GPC5: variants seen among roughly 807,000 people sequenced by gnomAD.
GPC5 encodes the protein glypican 5.
GPC5 carries 47 observed loss-of-function variants against 53.9 expected under a neutral mutation model. The ratio of observed to expected loss-of-function variants is 0.87; its 90% CI spans 0.69 to 1.11. The LOEUF (loss-of-function observed/expected upper bound fraction) is 1.11. GPC5 is among the 50% of genes most tolerant of loss of function. The probability of loss-of-function intolerance (pLI) is 0.00; values close to 1 mark genes in which losing one functional copy is unlikely to be tolerated. For synonymous variants in GPC5, 286 were observed against 263.3 expected (o/e 1.09, Z -0.84); for missense variants, 748 against 713.1 (o/e 1.05, Z -0.56).
chr13:91,499,302 A>G (rs1309100808), intron 2 of GPC5, among the ~76,000 whole-genome samples: 1 of 152,106 alleles, frequency 6.6e-6, no homozygotes, highest in African/African-American at 2.4e-5. Flanking sequence ...CATAGGTAGT[A>G]TGTGTTTAGA....
chr13:91,702,652 T>C (rs894666910), intron 3 of GPC5, among the ~76,000 whole-genome samples: 1 of 152,056 alleles, frequency 6.6e-6, no homozygotes, highest in Non-Finnish European at 1.5e-5. Flanking sequence ...AATTTTAGGA[T>C]TTTTTTCTCT....
At chr13:91,865,277 G>A (rs2039071738) in intron 5 of GPC5, among the ~76,000 whole-genome samples, 1 of 152,036 alleles carries the variant, frequency 6.6e-6, no homozygotes, top group East Asian at 1.9e-4. Flanking sequence ...AAACATGGGA[G>A]ATCCCCAAAC....
At position 92,034,179 on chromosome 13, in the gene GPC5, A is replaced by T. The variant is rs573388883; in HGVS notation, c.1402-110651A>T. Among the ~76,000 whole-genome samples the T allele has an allele frequency of 9.8e-5, 15 of 152,308 alleles. No individual in the cohort carries two copies. The East Asian group carries it at 2.7e-3, about 27-fold the overall frequency. On this transcript the variant is annotated intron_variant, in intron 6 of 7. Transcript: ENST00000377067. The stretch of plus-strand genomic sequence containing the variant: ...ATAATTTAATATGGCAAACTAAATT[A>T]TTTATGGATGTATAATAAAATCAAA...
chr13:92,296,851 G>A (rs902274274), intron 7 of GPC5, among the ~76,000 whole-genome samples: 4 of 152,222 alleles, frequency 2.6e-5, no homozygotes, highest in East Asian at 1.9e-4. Flanking sequence ...CAGCAGTGCC[G>A]GCCCACTGGC....
rs550928352 is a variant in GPC5, at chr13:91,448,984, G to A, written c.325+62G>A. On this transcript the variant is annotated intron_variant, in intron 2 of 7. Coordinates refer to ENST00000377067, the MANE Select transcript of GPC5 (RefSeq NM_004466.6). The stretch of plus-strand genomic sequence containing the variant: ...CGTGTTATGTAATTTGCCTAAGATA[G>A]TTACGTTGGCAAACTTGGCTGGGTT... 14 of 1,520,100 alleles carry A rather than the reference G, an allele frequency of 9.2e-6. No homozygotes were observed. In the South Asian group the frequency reaches 1.6e-4, roughly 18 times the overall value. The allele number at this position is 1,520,100 out of a possible 1,614,324, so 94.2% of individuals were successfully genotyped here. A position where few individuals can be genotyped will look rare whatever the true frequency, so the allele number is the denominator to read the frequency against.
intron 2 of GPC5, among the ~76,000 whole-genome samples, chr13:91,468,346 C>T (rs1322718538): frequency 6.6e-6 from 1 of 152,128 alleles, no homozygotes; most frequent in African/African-American, 2.4e-5. Context: ...ATGCTGGACT[C>T]TTCACCTCCA....
chr13:92,007,356 C>A (rs372872589), intron 6 of GPC5, among the ~76,000 whole-genome samples: 1 of 152,124 alleles, frequency 6.6e-6, no homozygotes, highest in South Asian at 2.1e-4. Context: ...TAGTCTACCA[C>A]ATTTTTCATT....
chr13:92,278,510 A>G (rs1002489739), intron 7 of GPC5, among the ~76,000 whole-genome samples: 1 of 152,048 alleles, frequency 6.6e-6, no homozygotes, highest in African/African-American at 2.4e-5. Flanking sequence ...GACAACTTCT[A>G]TAATTTGGGA....
chr13:92,719,447 G>C (rs1888439276), intron 7 of GPC5, among the ~76,000 whole-genome samples: 5 of 152,054 alleles, frequency 3.3e-5, no homozygotes, highest in Admixed American at 3.3e-4. Flanking sequence ...ATAATTGCTT[G>C]TAACATTCTA....
intron 7 of GPC5, among the ~76,000 whole-genome samples, chr13:92,166,919 C>T (rs927460797): frequency 1.2e-5 from 1 of 83,444 alleles, no homozygotes; most frequent in Admixed American, 1.5e-4. Flanking sequence ...GCATAAGTCT[C>T]AGTCTCTCTC....
intron 7 of GPC5, among the ~76,000 whole-genome samples, chr13:92,285,696 A>G (rs576167838): frequency 3.3e-5 from 5 of 152,328 alleles, no homozygotes; most frequent in African/African-American, 1.2e-4. Flanking sequence ...ATATGTGGAA[A>G]GCTGAAACTG....
At chr13:91,689,894 A>T (rs1474547252) in intron 2 of GPC5, among the ~76,000 whole-genome samples, 1 of 152,308 alleles carries the variant, frequency 6.6e-6, no homozygotes, top group South Asian at 2.1e-4. Flanking sequence ...ACAATAAAAA[A>T]CATAGTATGG....
At chr13:92,796,282 T>G (rs538910852) in intron 7 of GPC5, among the ~76,000 whole-genome samples, 7 of 152,038 alleles carry the variant, frequency 4.6e-5, no homozygotes, top group Non-Finnish European at 7.4e-5. Context: ...AAATACCGCA[T>G]GTTCTCACTC....
chr13:92,763,719 C>T (rs746039554), intron 7 of GPC5, among the ~76,000 whole-genome samples: 16 of 152,068 alleles, frequency 1.1e-4, no homozygotes, highest in Non-Finnish European at 2.2e-4. Context: ...AAGCCAAGGA[C>T]GGTGATTCTG....
chr13:91,591,703 T>C (rs913329372), intron 2 of GPC5, among the ~76,000 whole-genome samples: 1 of 152,214 alleles, frequency 6.6e-6, no homozygotes, highest in African/African-American at 2.4e-5. Context: ...GCTCTGAGAT[T>C]CCTTCCTCAG....
chr13:92,848,289 G>A (rs923181939), intron 7 of GPC5, among the ~76,000 whole-genome samples: 1 of 152,142 alleles, frequency 6.6e-6, no homozygotes, highest in Non-Finnish European at 1.5e-5. Flanking sequence ...CTGAATCTCA[G>A]TAAGAATTTT....
chr13:92,578,912 A>G (rs1166877207), intron 7 of GPC5, among the ~76,000 whole-genome samples: 1 of 152,164 alleles, frequency 6.6e-6, no homozygotes, highest in African/African-American at 2.4e-5. Flanking sequence ...TTATCCAGTC[A>G]TCTTAAAAAT....
At chr13:92,087,739 A>G (rs1167045103) in intron 6 of GPC5, among the ~76,000 whole-genome samples, 1 of 152,024 alleles carries the variant, frequency 6.6e-6, no homozygotes, top group Non-Finnish European at 1.5e-5. Context: ...TGTGTCTCAT[A>G]TCTCTGCCTT....
intron 7 of GPC5, among the ~76,000 whole-genome samples, chr13:92,186,061 G>T (rs541506646): frequency 1.3e-5 from 2 of 152,158 alleles, no homozygotes; most frequent in South Asian, 4.1e-4. Context: ...TGAAAAGTTT[G>T]CTGCAAAAAT....
Sources: gnomAD v4.1 joint callset for allele counts (sites outside exome capture counted in the v4.1 genomes callset) on GRCh38, gnomAD v4.1.1 for gene constraint, MANE v1.5 for transcripts, NCBI Gene and HGNC (gene_info 2026-07-23, HGNC 2026-07-21) for gene names.